Variants in PLB1 observed in about 807,000 individuals in gnomAD.
PLB1 encodes the protein phospholipase B1, membrane-associated.
In PLB1, 242 loss-of-function variants were observed where a neutral mutation model predicts 227.4. That is an observed-to-expected ratio of 1.06 (90% CI 0.96 to 1.18). The LOEUF is 1.18. PLB1 is among the 50% of genes most tolerant of loss of function. The pLI is 0.00. For missense variants in PLB1, 1,858 were observed against 1,816.3 expected (o/e 1.02, Z -0.42); for synonymous variants, 757 against 682.2 (o/e 1.11, Z -1.71).
Position 28,628,548 on chromosome 2 carries a change from C to G in PLB1, c.3661-15C>G, listed in dbSNP as rs375349557. The G allele has an allele frequency of 1.4e-5, 22 of 1,613,594 alleles. No individual in the cohort carries two copies. The African/African-American group carries it at 2.4e-4, about 18-fold the overall frequency. ...GGCACCAGGGGCTAAAGAGAGTACC[C>G]TTTTTTCCTTACAGGAGGCCCACTT... On this transcript the variant is annotated splice_polypyrimidine_tract_variant and intron_variant, in intron 51 of 57. Transcript: ENST00000327757.
At position 28,591,726 on chromosome 2, in the gene PLB1, G is replaced by A; in HGVS notation, c.2154G>A (p.Arg718=). 1 of 1,613,956 alleles carries A rather than the reference G, an allele frequency of 6.2e-7. No individual in the cohort carries two copies. Among genetic ancestry groups the A allele is most frequent in the Non-Finnish European group, 8.5e-7 (1 of 1,179,966 alleles). Residue 718 remains arginine, a synonymous_variant, in exon 31 of 58, where the codon AGG becomes AGA. Transcript: ENST00000327757. Reference sequence around the variant, plus strand: ...GTCATGGGACCTGGCTGCCATGCAGGGACAGAGCCCCTTCTGCCTTGCACC... The same window carrying A: ...GTCATGGGACCTGGCTGCCATGCAGAGACAGAGCCCCTTCTGCCTTGCACC... ...MQGHGTWLPC[R]DRAPSALHPT...
intron 9 of PLB1, among the ~76,000 whole-genome samples, chr2:28,534,356 G>C (rs1346701264): frequency 2.0e-5 from 3 of 152,144 alleles, no homozygotes; most frequent in Admixed American, 2.0e-4. Context: ...ATTGTGGACT[G>C]AAGTACATTA....
chr2:28,624,180 T>G (rs1489955963), intron 49 of PLB1, among the ~76,000 whole-genome samples: 1 of 152,192 alleles, frequency 6.6e-6, no homozygotes, highest in Non-Finnish European at 1.5e-5. Flanking sequence ...CACAGGAGTT[T>G]TCTCAGGCCC....
chr2:28,586,879 C>T (rs1680990845), intron 26 of PLB1, among the ~76,000 whole-genome samples: 1 of 152,182 alleles, frequency 6.6e-6, no homozygotes, highest in Non-Finnish European at 1.5e-5. Flanking sequence ...CCCCAAGTAG[C>T]TGGGACTACA....
intron 41 of PLB1, among the ~76,000 whole-genome samples, chr2:28,605,047 A>G (rs1684469573): frequency 6.6e-6 from 1 of 152,210 alleles, no homozygotes; most frequent in African/African-American, 2.4e-5. Flanking sequence ...GATCATCCGC[A>G]TGGAACACAG....
chr2:28,593,482 G>A (rs1431101151), intron 32 of PLB1, among the ~76,000 whole-genome samples, 199 bp from the exon 33 acceptor site: 3 of 152,320 alleles, frequency 2.0e-5, no homozygotes, highest in East Asian at 1.9e-4. Flanking sequence ...TCAGCTCAGC[G>A]AGGAGGCAGC....
chr2:28,599,346 A>T (rs1471912343), intron 35 of PLB1, among the ~76,000 whole-genome samples: 1 of 152,226 alleles, frequency 6.6e-6, no homozygotes, highest in Non-Finnish European at 1.5e-5. Context: ...TTCTTGCTCT[A>T]TGCAGCTCCT....
At chr2:28,623,407 A>T (rs1424533223) in intron 49 of PLB1, among the ~76,000 whole-genome samples, 2 of 152,188 alleles carry the variant, frequency 1.3e-5, no homozygotes, top group African/African-American at 4.8e-5. Flanking sequence ...CCTACCCACG[A>T]GGGCTTATTG....
intron 14 of PLB1, among the ~76,000 whole-genome samples, chr2:28,548,341 C>T (rs938387077): frequency 1.3e-5 from 2 of 152,154 alleles, no homozygotes; most frequent in African/African-American, 2.4e-5. Context: ...CATACTGGCT[C>T]TCCTGTCTAA....
intron 17 of PLB1, among the ~76,000 whole-genome samples, chr2:28,554,489 CTTTTTTT>C (rs536476788): frequency 6.2e-4 from 53 of 85,470 alleles, no homozygotes; most frequent in East Asian, 3.7e-3. Context: ...CCACACCTGC[CTTTTTTT>C]TTTTTTTTTT....
intron 1 of PLB1, among the ~76,000 whole-genome samples, chr2:28,514,346 A>G (rs958921990): frequency 1.3e-5 from 2 of 152,114 alleles, no homozygotes; most frequent in African/African-American, 4.8e-5. Context: ...CAGTAGCTTT[A>G]TCTTCAATCC....
intron 56 of PLB1, among the ~76,000 whole-genome samples, chr2:28,638,770 T>TAG (rs530575266): frequency 7.7e-5 from 10 of 130,350 alleles, no homozygotes; most frequent in Admixed American, 1.9e-4. Flanking sequence ...GACATCCACA[T>TAG]AGAGGTATCA....
chr2:28,629,056 G>T lies in PLB1; in HGVS notation c.3727-38G>T, dbSNP rs561882547. 8.2e-6 allele frequency: 13 copies of T among 1,576,270 alleles called. No homozygotes were observed. In the South Asian group the frequency reaches 1.3e-4, roughly 15 times the overall value. ...GACCCCCAGGTTCCTCCCAGCAGTA[G>T]CCAGTGCCCTAACGAAACCACCCTC... On this transcript the variant is annotated intron_variant, in intron 52 of 57. Transcript: ENST00000327757.
intron 20 of PLB1, among the ~76,000 whole-genome samples, chr2:28,572,128 A>T (rs967161349): frequency 6.6e-6 from 1 of 152,232 alleles, no homozygotes; most frequent in Admixed American, 6.5e-5. Flanking sequence ...TCCACAGAAG[A>T]TATGCAAATG....
intron 17 of PLB1, among the ~76,000 whole-genome samples, chr2:28,554,036 A>T (rs1674640027): frequency 6.6e-6 from 1 of 152,108 alleles, no homozygotes; most frequent in African/African-American, 2.4e-5. Flanking sequence ...TTCTAACCAA[A>T]ACCTCGGTAT....
At chr2:28,626,184 C>T (rs536432691) in intron 50 of PLB1, among the ~76,000 whole-genome samples, 6 of 151,824 alleles carry the variant, frequency 4.0e-5, no homozygotes, top group Non-Finnish European at 7.4e-5. Context: ...TTAGTGGAGA[C>T]GGGGTTTCAT....
chr2:28,504,387 T>G (rs1402752430), intron 1 of PLB1, among the ~76,000 whole-genome samples: 1 of 152,230 alleles, frequency 6.6e-6, no homozygotes, highest in Non-Finnish European at 1.5e-5. Context: ...CTTACCAAAT[T>G]GGTAATTAAA....
At chr2:28,519,982 G>A (rs1669300603) in intron 4 of PLB1, among the ~76,000 whole-genome samples, 1 of 152,000 alleles carries the variant, frequency 6.6e-6, no homozygotes, top group Non-Finnish European at 1.5e-5. Flanking sequence ...GGGCTGGAGT[G>A]TAATGGCGCA....
intron 1 of PLB1, among the ~76,000 whole-genome samples, chr2:28,509,842 T>C (rs780763630): frequency 6.6e-6 from 1 of 152,148 alleles, no homozygotes; most frequent in Non-Finnish European, 1.5e-5. Flanking sequence ...CCACAGCACC[T>C]TGGGGTACTG....
Sources: gnomAD v4.1 joint callset for allele counts (sites outside exome capture counted in the v4.1 genomes callset) on GRCh38, gnomAD v4.1.1 for gene constraint, MANE v1.5 for transcripts, NCBI Gene and HGNC (gene_info 2026-07-23, HGNC 2026-07-21) for gene names.